CHORDC1: variants seen among roughly 807,000 people sequenced by gnomAD.
CHORDC1 encodes the protein cysteine and histidine-rich domain-containing protein 1.
Under a neutral mutation model 48.3 loss-of-function variants are expected in CHORDC1, and 25 were observed. The ratio of observed to expected loss-of-function variants is 0.52; its 90% CI spans 0.38 to 0.72. The LOEUF (loss-of-function observed/expected upper bound fraction) is 0.72. Among genes scored for constraint, CHORDC1 ranks in the 30% least tolerant of loss-of-function variants. The probability of loss-of-function intolerance (pLI) is 0.00; values close to 1 mark genes in which losing one functional copy is unlikely to be tolerated. For synonymous variants in CHORDC1, 128 were observed against 126.4 expected, an observed-to-expected ratio of 1.01 and a Z score of -0.09; for missense variants, 317 against 388.7, an observed-to-expected ratio of 0.82 and a Z score of 1.55.
chr11:90,218,046 T>A (rs1337341035), intron 2 of CHORDC1, 89 bp downstream of exon 2: 1 of 970,348 alleles, frequency 1.0e-6, no homozygotes, highest in African/African-American at 1.7e-5. Context: ...AGTCACTAGC[T>A]GAGAAAAAAA....
chr11:90,209,677 G>A (rs1484196105), intron 6 of CHORDC1, among the ~76,000 whole-genome samples: 1 of 152,126 alleles, frequency 6.6e-6, no homozygotes, highest in Non-Finnish European at 1.5e-5. Flanking sequence ...CAAGTAGCAA[G>A]AGGCAGGAAA....
intron 8 of CHORDC1, among the ~76,000 whole-genome samples, chr11:90,204,502 C>T (rs1232142246): frequency 1.3e-5 from 2 of 152,006 alleles, no homozygotes; most frequent in African/African-American, 4.8e-5. Flanking sequence ...GGGTGGATCA[C>T]GAGGTCAGGA....
intron 6 of CHORDC1, chr11:90,208,815 A>T (rs182531221): frequency 1.3e-5 from 2 of 152,160 alleles, no homozygotes; most frequent in Non-Finnish European, 2.9e-5. Flanking sequence ...CTTCAATGTT[A>T]TATTTCAATG....
Position 90,203,257 on chromosome 11 carries a change from A to G in CHORDC1, c.789+51T>C, listed in dbSNP as rs752045334. The G allele has an allele frequency of 2.7e-6, 4 of 1,465,556 alleles. No homozygotes were observed. The South Asian group carries it at 5.5e-5, about 20-fold the overall frequency. The allele number at this position is 1,465,556 out of a possible 1,614,324, so 90.8% of individuals were successfully genotyped here. A position where few individuals can be genotyped will look rare whatever the true frequency, so the allele number is the denominator to read the frequency against. Reference sequence around the variant, plus strand: ...AATACTTTAAAATACAGTAACATAAAGAATGATGTATAGAAAAGAACTTTT... The same window carrying G: ...AATACTTTAAAATACAGTAACATAAGGAATGATGTATAGAAAAGAACTTTT... On this transcript the variant is annotated intron_variant, in intron 9 of 10. Coordinates refer to ENST00000320585, the MANE Select transcript of CHORDC1 (RefSeq NM_012124.3).
chr11:90,209,817 T>C (rs965969645), intron 6 of CHORDC1, among the ~76,000 whole-genome samples: 1 of 152,208 alleles, frequency 6.6e-6, no homozygotes, highest in African/African-American at 2.4e-5. Context: ...CCACTCCTGC[T>C]GCATCACCAT....
intron 9 of CHORDC1, among the ~76,000 whole-genome samples, 169 bp from the exon 10 acceptor site, chr11:90,203,044 C>T (rs967983473): frequency 3.9e-5 from 6 of 152,054 alleles, no homozygotes; most frequent in Admixed American, 2.0e-4. Context: ...GAATAACTGG[C>T]TTCAAGTTTC....
chr11:90,211,203 A>G lies in CHORDC1; in HGVS notation c.433+12T>C. The G allele has an allele frequency of 6.6e-7, 1 of 1,516,518 alleles. No homozygotes were observed. Among genetic ancestry groups the G allele is most frequent in the Non-Finnish European group, 9.1e-7 (1 of 1,096,524 alleles). 93.9% of individuals were successfully genotyped at this position (1,516,518 alleles called of 1,614,324 possible). A position where few individuals can be genotyped will look rare whatever the true frequency, so the allele number is the denominator to read the frequency against. ...AGAAAATAATTAACAATAAAACAAA[A>G]TAAAATCTTACCTTTCTTATTTTCT... is the stretch of plus-strand genomic sequence containing the variant. On this transcript the variant is annotated intron_variant, in intron 5 of 10. Coordinates refer to ENST00000320585, the MANE Select transcript of CHORDC1 (RefSeq NM_012124.3).
At chr11:90,206,344 T>C (rs1014964005) in intron 6 of CHORDC1, 72 bp from the exon 7 acceptor site, 18 of 851,742 alleles carry the variant, frequency 2.1e-5, no homozygotes, top group East Asian at 7.4e-5. Flanking sequence ...ATTTGCAGTA[T>C]TGGTGACCTC....
intron 5 of CHORDC1, 163 bp from the exon 6 acceptor site, chr11:90,210,757 CTTTT>C (rs1857838344): frequency 1.7e-6 from 1 of 584,292 alleles, no homozygotes; most frequent in Non-Finnish European, 3.0e-6. Flanking sequence ...ATTTCTTCTT[CTTTT>C]GAGGACCTGG....
At chr11:90,220,035 TTTTG>T (rs1456632956) in intron 1 of CHORDC1, among the ~76,000 whole-genome samples, 2 of 152,178 alleles carry the variant, frequency 1.3e-5, no homozygotes, top group Non-Finnish European at 2.9e-5. Context: ...ACATTATGAA[TTTTG>T]TTTTTGTTTT....
rs553058522 is a variant in CHORDC1, at chr11:90,210,041, T to C, written c.492+495A>G. Reference sequence around the variant, plus strand: ...CCAAGTTCTAAAGCCTCTGCTCATGTTACTGCATCCAGAACACTCTTCACC... The same window carrying C: ...CCAAGTTCTAAAGCCTCTGCTCATGCTACTGCATCCAGAACACTCTTCACC... On this transcript the variant is annotated intron_variant, in intron 6 of 10. Transcript: ENST00000320585. Among the ~76,000 whole-genome samples, 12 of 152,312 alleles carry C rather than the reference T, an allele frequency of 7.9e-5. No homozygotes were observed. The South Asian group carries it at 2.5e-3, about 32-fold the overall frequency.
At chr11:90,211,643 G>T (rs1473875428) in intron 4 of CHORDC1, 1 of 228,734 alleles carries the variant, frequency 4.4e-6, no homozygotes, top group Admixed American at 5.9e-5. Context: ...CTGAGGAAGG[G>T]ACCATAATGT....
At chr11:90,215,807 C>CA (rs560391982) in intron 2 of CHORDC1, among the ~76,000 whole-genome samples, 293 of 151,796 alleles carry the variant, frequency 1.9e-3, no homozygotes, top group Non-Finnish European at 3.3e-3. Flanking sequence ...AGTAGTTTAC[C>CA]AAAAAATGGC....
At chr11:90,216,161 A>G (rs896188782) in intron 2 of CHORDC1, among the ~76,000 whole-genome samples, 1 of 152,156 alleles carries the variant, frequency 6.6e-6, no homozygotes, top group Non-Finnish European at 1.5e-5. Context: ...TAGCATCAAT[A>G]ATATAGTCAA....
In CHORDC1 at chr11:90,207,767, AAAAAAAAAAAAC is replaced by A. The variant is rs1401303927; in HGVS notation, c.493-1507_493-1496del. 3.4e-5 allele frequency: 5 copies of A among 148,192 alleles called. 1 individual carries two copies. The highest frequency in any genetic ancestry group is 4.3e-4 in the South Asian group (2 of 4,654). 9.2% of individuals were successfully genotyped at this position (148,192 alleles called of 1,614,324 possible). A position where few individuals can be genotyped will look rare whatever the true frequency, so the allele number is the denominator to read the frequency against. ...CACTAGAATGGTTAAAATACAAAAA[AAAAAAAAAAAAC>A]AAAAAAAACTCGTATAACAAAATGT... is the stretch of plus-strand genomic sequence containing the variant. On this transcript the variant is annotated intron_variant, in intron 6 of 10. Transcript: ENST00000320585.
chr11:90,217,015 A>G (rs1858029115), intron 2 of CHORDC1, among the ~76,000 whole-genome samples: 1 of 152,236 alleles, frequency 6.6e-6, no homozygotes, highest in African/African-American at 2.4e-5. Context: ...AAAAAGAAAA[A>G]TAAACATTTC....
intron 10 of CHORDC1, 57 bp from the exon 11 acceptor site, chr11:90,202,608 G>A: frequency 6.4e-7 from 1 of 1,567,816 alleles, no homozygotes; most frequent in Non-Finnish European, 8.7e-7. Context: ...AGTCTCAGAG[G>A]AAAACATCAG....
At chr11:90,214,868 T>G (rs150174111) in intron 3 of CHORDC1, among the ~76,000 whole-genome samples, 1 of 152,218 alleles carries the variant, frequency 6.6e-6, no homozygotes, top group East Asian at 1.9e-4. Context: ...GATAAAACTT[T>G]ATCGTTCCTA....
intron 8 of CHORDC1, 97 bp downstream of exon 8, chr11:90,205,362 CT>C: frequency 1.8e-5 from 15 of 853,442 alleles, no homozygotes; most frequent in East Asian, 5.1e-5. Context: ...AAAAAGAAAA[CT>C]TTTTTTTAAA....
Sources: gnomAD v4.1 joint callset for allele counts (sites outside exome capture counted in the v4.1 genomes callset) on GRCh38, gnomAD v4.1.1 for gene constraint, MANE v1.5 for transcripts, NCBI Gene and HGNC (gene_info 2026-07-23, HGNC 2026-07-21) for gene names.